The following RCL1 variants were observed in gnomAD, a reference collection of about 807,000 sequenced individuals.
The protein encoded by RCL1 is RNA 3'-terminal phosphate cyclase-like protein.
A neutral mutation model predicts 42.4 loss-of-function variants in RCL1; 24 were observed. The observed-to-expected ratio is 0.57, with a 90% CI of 0.41 to 0.80. The LOEUF (loss-of-function observed/expected upper bound fraction) is 0.80, where lower values mean the gene tolerates loss of function less well. Ranked by LOEUF, RCL1 falls within the 30% of genes least tolerant of loss-of-function variation. RCL1 has a pLI of 0.00. For synonymous variants in RCL1, 228 were observed against 177.3 expected, an observed-to-expected ratio of 1.29 and a Z score of -2.27; for missense variants, 578 against 467.9, an observed-to-expected ratio of 1.24 and a Z score of -2.17.
chr9:4,850,625 T>C (rs546890786), intron 8 of RCL1, among the ~76,000 whole-genome samples: 1 of 152,066 alleles, frequency 6.6e-6, no homozygotes, highest in Admixed American at 6.6e-5. Flanking sequence ...TATCTCCTGA[T>C]AGCTTGTGTA....
chr9:4,850,200 G>A (rs1296956975), intron 8 of RCL1: 6 of 457,972 alleles, frequency 1.3e-5, no homozygotes, highest in Non-Finnish European at 2.9e-5. Flanking sequence ...TTGTGTGTGT[G>A]TGTTTTCACG....
rs1587717451 is a variant in RCL1 at position 4,832,716 on chromosome 9, G to A, written c.385-438G>A. Among the ~76,000 whole-genome samples, 8 of 146,650 alleles carry A rather than the reference G, an allele frequency of 5.5e-5. No individual in the cohort carries two copies. The South Asian group carries it at 1.7e-3, about 32-fold the overall frequency. On this transcript the variant is annotated intron_variant, in intron 3 of 8. Coordinates refer to ENST00000381750, the MANE Select transcript of RCL1 (RefSeq NM_005772.5). ...CCAGCTACTCAGGAGGCTGAGGCAG[G>A]AGAATCGCTTGAACCTGGGAGGCAG...
Position 4,852,055 on chromosome 9 carries a change from G to A in RCL1, c.971+2505G>A, listed in dbSNP as rs539332319. On this transcript the variant is annotated intron_variant, in intron 8 of 8. Transcript: ENST00000381750. Reference sequence around the variant, plus strand: ...CGCCACCGTGCCTGGCTAATTTTTTGTATTTTTAGTAGAGACGGGGTTTCA... The same window carrying A: ...CGCCACCGTGCCTGGCTAATTTTTTATATTTTTAGTAGAGACGGGGTTTCA... 1.1e-3 allele frequency among the ~76,000 whole-genome samples: 167 copies of A among 152,064 alleles called. 1 individual carries two copies. Among genetic ancestry groups the A allele is most frequent in the African/African-American group, 3.8e-3 (157 of 41,482 alleles).
intron 1 of RCL1, among the ~76,000 whole-genome samples, chr9:4,812,051 T>A (rs750812795): frequency 1.3e-5 from 2 of 152,246 alleles, no homozygotes; most frequent in Non-Finnish European, 2.9e-5. Flanking sequence ...ATTATTTGTA[T>A]TTTTGTGTGT....
At chr9:4,851,714 C>T (rs1360005496) in intron 8 of RCL1, among the ~76,000 whole-genome samples, 1 of 143,046 alleles carries the variant, frequency 7.0e-6, no homozygotes, top group African/African-American at 2.6e-5. Context: ...TAAAGAAAAC[C>T]AGAAGCAAGA....
intron 1 of RCL1, among the ~76,000 whole-genome samples, chr9:4,812,121 A>G (rs1275775183): frequency 2.0e-5 from 3 of 151,928 alleles, no homozygotes; most frequent in Admixed American, 1.3e-4. Flanking sequence ...GATAGTTTGT[A>G]TTTTTCTTTC....
chr9:4,795,171 G>A (rs368562773), intron 1 of RCL1, among the ~76,000 whole-genome samples: 1 of 152,034 alleles, frequency 6.6e-6, no homozygotes, highest in African/African-American at 2.4e-5. Context: ...TCCGCCTCCT[G>A]GGTTCCTGCA....
At chr9:4,820,426 C>T (rs1371071266) in intron 1 of RCL1, among the ~76,000 whole-genome samples, 3 of 152,180 alleles carry the variant, frequency 2.0e-5, no homozygotes, top group African/African-American at 7.2e-5. Context: ...TTCTGAAGCA[C>T]CGGTTTGCCG....
chr9:4,815,841 T>C (rs1012402674), intron 1 of RCL1, among the ~76,000 whole-genome samples: 1 of 152,080 alleles, frequency 6.6e-6, no homozygotes, highest in African/African-American at 2.4e-5. Context: ...GGTCTGTAAG[T>C]GTCTAAGGTA....
chr9:4,795,978 CT>C (rs1409051685), intron 1 of RCL1, among the ~76,000 whole-genome samples: 1 of 152,172 alleles, frequency 6.6e-6, no homozygotes, highest in Non-Finnish European at 1.5e-5. Flanking sequence ...AGAGCAGACA[CT>C]TCCCTGAAAG....
At position 4,847,624 on chromosome 9, in the gene RCL1, A is replaced by G. The variant is rs151118157; in HGVS notation, c.868-1823A>G. On this transcript the variant is annotated intron_variant, in intron 7 of 8. Transcript: ENST00000381750. Reference sequence around the variant, plus strand: ...AGAGAAGTTCTTTCCAAATCCTAACATCCTTTTCAGGCTAAAATACTGATC... The same window carrying G: ...AGAGAAGTTCTTTCCAAATCCTAACGTCCTTTTCAGGCTAAAATACTGATC... 4.6e-5 allele frequency among the ~76,000 whole-genome samples: 7 copies of G among 152,244 alleles called. No homozygotes were observed. In the East Asian group the frequency reaches 7.7e-4, roughly 17 times the overall value.
intron 7 of RCL1, among the ~76,000 whole-genome samples, chr9:4,845,474 C>T (rs1817481851): frequency 6.6e-6 from 1 of 152,180 alleles, no homozygotes; most frequent in African/African-American, 2.4e-5. Context: ...TTACTGTTTC[C>T]TCAAAATAGG....
intron 3 of RCL1, among the ~76,000 whole-genome samples, chr9:4,829,914 T>C (rs1355034168): frequency 6.6e-6 from 1 of 152,240 alleles, no homozygotes; most frequent in Non-Finnish European, 1.5e-5. Flanking sequence ...ACAGCTGACC[T>C]CATCATTCAT....
At chr9:4,799,670 CT>C (rs1842967210) in intron 1 of RCL1, among the ~76,000 whole-genome samples, 1 of 152,032 alleles carries the variant, frequency 6.6e-6, no homozygotes, top group Admixed American at 6.5e-5. Flanking sequence ...TTTGGATTGG[CT>C]TTTTTCTGTT....
intron 1 of RCL1, among the ~76,000 whole-genome samples, chr9:4,813,609 C>G (rs541149536): frequency 1.3e-5 from 2 of 152,258 alleles, no homozygotes; most frequent in East Asian, 1.9e-4. Flanking sequence ...ACTAGTTCAG[C>G]CATTGTGGAA....
At chr9:4,826,239 C>T (rs1301270322) in intron 2 of RCL1, among the ~76,000 whole-genome samples, 3 of 152,022 alleles carry the variant, frequency 2.0e-5, no homozygotes, top group African/African-American at 7.2e-5. Flanking sequence ...GAGCAAGACC[C>T]TGTCTCAAAA....
chr9:4,810,269 A>G (rs1816127502), intron 1 of RCL1, among the ~76,000 whole-genome samples: 1 of 152,224 alleles, frequency 6.6e-6, no homozygotes, highest in Non-Finnish European at 1.5e-5. Context: ...CTGTGGACAT[A>G]CCGATGTAGC....
At chr9:4,816,953 A>G (rs1816400798) in intron 1 of RCL1, among the ~76,000 whole-genome samples, 2 of 152,144 alleles carry the variant, frequency 1.3e-5, no homozygotes, top group African/African-American at 4.8e-5. Flanking sequence ...GGTAGCTGGG[A>G]CTACAGGCAC....
intron 1 of RCL1, among the ~76,000 whole-genome samples, chr9:4,806,350 C>G (rs980719495): frequency 3.3e-5 from 5 of 151,852 alleles, no homozygotes; most frequent in African/African-American, 9.7e-5. Flanking sequence ...AGTATGTTAG[C>G]TATATGTTTT....
Sources: allele counts gnomAD v4.1 joint callset (sites outside exome capture counted in the v4.1 genomes callset), GRCh38; gene constraint gnomAD v4.1.1; transcripts MANE v1.5; gene names NCBI Gene and HGNC (gene_info 2026-07-23, HGNC 2026-07-21).